The following ZYG11B variants were observed in gnomAD, a reference collection of about 807,000 sequenced individuals.
The protein encoded by ZYG11B is zyg-11 family member B, cell cycle regulator.
In ZYG11B, 36 loss-of-function variants were observed where a neutral mutation model predicts 82.4. That is an observed-to-expected ratio of 0.44 (90% CI 0.33 to 0.58). ZYG11B has a LOEUF of 0.58. ZYG11B is among the 20% of genes least tolerant of loss of function. ZYG11B has a pLI of 0.02. For synonymous variants in ZYG11B, 303 were observed against 312.8 expected, an observed-to-expected ratio of 0.97 and a Z score of 0.33; for missense variants, 552 against 895.6, an observed-to-expected ratio of 0.62 and a Z score of 4.90.
intron 7 of ZYG11B, 111 bp from the exon 8 acceptor site, chr1:52,796,623 C>A: frequency 9.8e-7 from 1 of 1,020,388 alleles, no homozygotes; most frequent in East Asian, 2.6e-5. Context: ...CAGCAGAATT[C>A]CAAGTTGATC....
intron 1 of ZYG11B, among the ~76,000 whole-genome samples, chr1:52,729,978 T>G (rs1347427659): frequency 6.6e-6 from 1 of 152,098 alleles, no homozygotes; most frequent in African/African-American, 2.4e-5. Context: ...TGGCTAATTT[T>G]TATATGTTTT....
chr1:52,726,752 C>T (rs1644287785), intron 1 of ZYG11B, 69 bp downstream of exon 1: 1 of 1,401,698 alleles, frequency 7.1e-7, no homozygotes. Flanking sequence ...GCGCTGGCCC[C>T]TGCGGTCTTG....
At chr1:52,731,970 A>G (rs1644336806) in intron 1 of ZYG11B, among the ~76,000 whole-genome samples, 1 of 152,124 alleles carries the variant, frequency 6.6e-6, no homozygotes, top group African/African-American at 2.4e-5. Context: ...CGCCAGGCTA[A>G]TTTTTGTATT....
intron 3 of ZYG11B, among the ~76,000 whole-genome samples, chr1:52,775,532 A>G (rs1644796555): frequency 6.6e-6 from 1 of 151,738 alleles, no homozygotes; most frequent in Non-Finnish European, 1.5e-5. Flanking sequence ...CTCTACTAAA[A>G]ATACAAAAAT....
chr1:52,737,575 G>T (rs909034676), intron 1 of ZYG11B, among the ~76,000 whole-genome samples: 1 of 152,118 alleles, frequency 6.6e-6, no homozygotes, highest in Admixed American at 6.6e-5. Flanking sequence ...AAGACCACCT[G>T]GCTAACATAG....
Position 52,726,659 on chromosome 1 carries a change from C to A in ZYG11B, c.6C>A (p.Pro2=). M[P]EDQAGAAMEE... ...GCACCCAGGACGGAGGCTGCATGCC[C>A]GAGGACCAGGCCGGCGCAGCCATGG... Residue 2 remains proline, a synonymous_variant, in exon 1 of 14, where the codon CCC becomes CCA. Transcript: ENST00000294353. The A allele has an allele frequency of 6.8e-7, 1 of 1,478,384 alleles. No individual in the cohort carries two copies. Among genetic ancestry groups the A allele is most frequent in the Non-Finnish European group, 8.9e-7 (1 of 1,121,542 alleles). The allele number at this position is 1,478,384 out of a possible 1,614,324, so 91.6% of individuals were successfully genotyped here.
chr1:52,783,873 C>CG (rs1491515244), intron 4 of ZYG11B, among the ~76,000 whole-genome samples: 1 of 99,850 alleles, frequency 1.0e-5, no homozygotes, highest in Non-Finnish European at 1.9e-5. Context: ...TGTACATACA[C>CG]GTGTGTGTAT....
chr1:52,734,278 C>G (rs917554236), intron 1 of ZYG11B, among the ~76,000 whole-genome samples: 2 of 151,988 alleles, frequency 1.3e-5, no homozygotes, highest in African/African-American at 4.8e-5. Context: ...GATGTCAAGC[C>G]ATGAGCCCGG....
intron 1 of ZYG11B, among the ~76,000 whole-genome samples, chr1:52,754,026 C>G (rs978453521): frequency 6.8e-6 from 1 of 146,510 alleles, no homozygotes; most frequent in African/African-American, 2.6e-5. Context: ...GCCTGGCCCC[C>G]TTTGCCTTTT....
At position 52,749,796 on chromosome 1, in the gene ZYG11B, G is replaced by T. The variant is rs569624778; in HGVS notation, c.31-6662G>T. Among the ~76,000 whole-genome samples the T allele has an allele frequency of 7.2e-5, 11 of 152,214 alleles. No individual in the cohort carries two copies. In the South Asian group the frequency reaches 1.9e-3, roughly 26 times the overall value. On this transcript the variant is annotated intron_variant, in intron 1 of 13. Coordinates refer to ENST00000294353, the MANE Select transcript of ZYG11B (RefSeq NM_024646.3). The stretch of plus-strand genomic sequence containing the variant: ...TTGAACTCCTGACCTCAGGTGATCC[G>T]CCTGCCTCAGCCTCCCAAACTGCTG...
rs1487926811 is a variant in ZYG11B at position 52,825,328 on chromosome 1, T to G, written c.*3699T>G. On this transcript the variant is annotated 3_prime_UTR_variant, in exon 14 of 14. Transcript: ENST00000294353. Reference sequence around the variant, plus strand: ...ACCCTCAAGCCGATGACTCCATGGCTACTGATATTAGTTAGTTTAGGATTT... The same window carrying G: ...ACCCTCAAGCCGATGACTCCATGGCGACTGATATTAGTTAGTTTAGGATTT... 6.6e-6 allele frequency: 1 copy of G among 152,156 alleles called. No homozygotes were observed. Among genetic ancestry groups the G allele is most frequent in the South Asian group, 2.1e-4 (1 of 4,830 alleles). 9.4% of individuals were successfully genotyped at this position (152,156 alleles called of 1,614,324 possible).
intron 10 of ZYG11B, among the ~76,000 whole-genome samples, chr1:52,803,121 C>CATATATATATATATATATATATAT (rs1183952286): frequency 5.7e-5 from 3 of 52,512 alleles, no homozygotes; most frequent in Non-Finnish European, 9.6e-5. Flanking sequence ...TATATATACA[C>CATATATATATATATATATATATAT]ACATATATAT....
intron 2 of ZYG11B, among the ~76,000 whole-genome samples, chr1:52,767,039 TTA>T (rs1400784124): frequency 6.7e-6 from 1 of 150,192 alleles, no homozygotes; most frequent in African/African-American, 2.5e-5. Context: ...TTTATTTATT[TTA>T]TGTTATTTTA....
At chr1:52,811,709 T>G (rs1038922779) in intron 10 of ZYG11B, among the ~76,000 whole-genome samples, 1 of 151,810 alleles carries the variant, frequency 6.6e-6, no homozygotes, top group African/African-American at 2.4e-5. Context: ...AGATACTTAG[T>G]TTTGTTTTTT....
In ZYG11B at chr1:52,824,145, A is replaced by T. The variant is rs1208483527; in HGVS notation, c.*2516A>T. ...GAGTGAGACTCTGGGGAAAAAAAAA[A>T]TTAAACTTCCTACTTTTTTTCTTTT... On this transcript the variant is annotated 3_prime_UTR_variant, in exon 14 of 14. Transcript: ENST00000294353. 1.3e-5 allele frequency: 2 copies of T among 151,866 alleles called. No homozygotes were observed. Among genetic ancestry groups the T allele is most frequent in the Non-Finnish European group, 2.9e-5 (2 of 67,980 alleles). The allele number at this position is 151,866 out of a possible 1,614,324, so 9.4% of individuals were successfully genotyped here.
intron 1 of ZYG11B, among the ~76,000 whole-genome samples, chr1:52,748,460 A>G (rs1279051898): frequency 6.6e-6 from 1 of 152,244 alleles, no homozygotes; most frequent in Non-Finnish European, 1.5e-5. Flanking sequence ...TTCAGTACAC[A>G]GTAGCTGTTG....
In ZYG11B at chr1:52,811,532, C is replaced by A. The variant is rs993603168; in HGVS notation, c.1696-2004C>A. 2.0e-5 allele frequency among the ~76,000 whole-genome samples: 3 copies of A among 152,100 alleles called. No individual in the cohort carries two copies. The East Asian group carries it at 5.8e-4, about 29-fold the overall frequency. ...TGTTGCCCAGGTTGGTTTTGAACTC[C>A]TGGCCTGAAGTGATCCTCCCACCTC... On this transcript the variant is annotated intron_variant, in intron 10 of 13. Coordinates refer to ENST00000294353, the MANE Select transcript of ZYG11B (RefSeq NM_024646.3).
At chr1:52,732,476 T>C (rs1330730860) in intron 1 of ZYG11B, among the ~76,000 whole-genome samples, 2 of 152,216 alleles carry the variant, frequency 1.3e-5, no homozygotes, top group African/African-American at 4.8e-5. Flanking sequence ...AATTAATAAT[T>C]TGGCCGGGTG....
chr1:52,811,802 G>A (rs1266315423), intron 10 of ZYG11B, among the ~76,000 whole-genome samples: 4 of 152,178 alleles, frequency 2.6e-5, no homozygotes, highest in Admixed American at 6.5e-5. Flanking sequence ...AGGCCAAGGC[G>A]GGCGGATCAC....
Sources: gnomAD v4.1 joint callset for allele counts (sites outside exome capture counted in the v4.1 genomes callset) on GRCh38, gnomAD v4.1.1 for gene constraint, MANE v1.5 for transcripts, NCBI Gene and HGNC (gene_info 2026-07-23, HGNC 2026-07-21) for gene names.